Variants in FAM83A observed in about 807,000 individuals in gnomAD.
The protein encoded by FAM83A is protein FAM83A.
FAM83A carries 21 observed loss-of-function variants against 24.4 expected under a neutral mutation model. The ratio of observed to expected loss-of-function variants is 0.86; its 90% confidence interval spans 0.61 to 1.24. The LOEUF is 1.24. Ranked by LOEUF, FAM83A falls within the 50% of genes most tolerant of loss-of-function variation. The pLI is 0.00. For synonymous variants in FAM83A, 270 were observed against 252.4 expected, an observed-to-expected ratio of 1.07 and a Z score of -0.66; for missense variants, 617 against 579.8, an observed-to-expected ratio of 1.06 and a Z score of -0.66.
At chr8:123,184,356 C>T (rs183679097) in intron 1 of FAM83A, among the ~76,000 whole-genome samples, 2 of 152,238 alleles carry the variant, frequency 1.3e-5, no homozygotes, top group East Asian at 3.9e-4. Context: ...CCCTTCTCCT[C>T]TCAGACTCTG....
chr8:123,200,292 G>A (rs183803729), intron 3 of FAM83A, among the ~76,000 whole-genome samples: 9 of 152,298 alleles, frequency 5.9e-5, no homozygotes, highest in African/African-American at 9.6e-5. Context: ...CCAGAACACC[G>A]GAGGATGGAG....
At chr8:123,193,538 C>T (rs553535908) in intron 2 of FAM83A, among the ~76,000 whole-genome samples, 8 of 152,286 alleles carry the variant, frequency 5.3e-5, no homozygotes, top group Admixed American at 5.2e-4. Flanking sequence ...TCCAGAATCC[C>T]ACCAACCAGA....
At chr8:123,206,273 C>T (rs931638905) in intron 3 of FAM83A, among the ~76,000 whole-genome samples, 1 of 152,212 alleles carries the variant, frequency 6.6e-6, no homozygotes, top group African/African-American at 2.4e-5. Context: ...GCCCCGACAG[C>T]CTCGGCCCCG....
intron 3 of FAM83A, among the ~76,000 whole-genome samples, chr8:123,205,163 G>A (rs1824499095): frequency 6.6e-6 from 1 of 152,236 alleles, no homozygotes; most frequent in South Asian, 2.1e-4. Flanking sequence ...TGAGATGCGC[G>A]GGTGTGCAGG....
Position 123,209,675 on chromosome 8 carries a change from G to A in FAM83A, c.*1987G>A, listed in dbSNP as rs750428582. ...TTTCCAAAGGCCTCAGCCTGTGCCT[G>A]TGTCGAGCTCAGTCCTGGGAGATAG... On this transcript the variant is annotated 3_prime_UTR_variant, in exon 4 of 4. Coordinates refer to ENST00000690554, the Ensembl canonical transcript of FAM83A. This position sits in a 1 kb window ranked among gnomAD's most constrained non-coding sequence, Gnocchi z 4.7. The A allele has an allele frequency of 4.7e-6, 5 of 1,068,342 alleles. No individual in the cohort carries two copies. Among genetic ancestry groups the A allele is most frequent in the African/African-American group, 1.6e-5 (1 of 63,384 alleles). 66.2% of individuals were successfully genotyped at this position (1,068,342 alleles called of 1,614,324 possible).
At chr8:123,207,651 C>A (rs1319594546) in exon 4 of FAM83A, 1 of 1,537,736 alleles carries the variant, frequency 6.5e-7, no homozygotes, top group Admixed American at 2.0e-5. Flanking sequence ...CTGACTCCAA[C>A]CTGGAGGCCC....
rs1823949796 is a variant in FAM83A, at chr8:123,190,815, CTTCA to C, written c.481-985_481-982del. Among the ~76,000 whole-genome samples the C allele has an allele frequency of 3.9e-5, 6 of 152,262 alleles. No individual in the cohort carries two copies. The Middle Eastern group carries it at 0.014, about 345-fold the overall frequency. Reference sequence around the variant, plus strand: ...TCCTGGCTGCTTTCTCCAGGGATGGCTTCATTGTCAGGCAGGCTCTCCCCAAGAG... The same window carrying C: ...TCCTGGCTGCTTTCTCCAGGGATGGCTTGTCAGGCAGGCTCTCCCCAAGAG... On this transcript the variant is annotated intron_variant, in intron 1 of 3. Transcript: ENST00000690554.
upstream of FAM83A, chr8:123,179,675 T>C (rs759060866): frequency 2.6e-5 from 4 of 152,148 alleles, no homozygotes; most frequent in South Asian, 2.1e-4. Context: ...AATCTCTGGG[T>C]CTGTGTGAAG....
exon 4 of FAM83A, chr8:123,208,334 C>G (rs1293465417): frequency 1.0e-6 from 1 of 985,488 alleles, no homozygotes; most frequent in Non-Finnish European, 1.2e-6. Flanking sequence ...ATGCAGCTAG[C>G]TGAGGAGTTT....
At chr8:123,193,706 C>G (rs1248734016) in intron 2 of FAM83A, among the ~76,000 whole-genome samples, 1 of 152,168 alleles carries the variant, frequency 6.6e-6, no homozygotes, top group African/African-American at 2.4e-5. Flanking sequence ...ACTCCAAGAT[C>G]AACGTTCTGG....
chr8:123,191,878 G>C, exon 2 of FAM83A: 4 of 1,614,170 alleles, frequency 2.5e-6, no homozygotes, highest in Non-Finnish European at 3.4e-6. Flanking sequence ...CAACAAGCGT[G>C]GGGTGTTCGT....
intron 3 of FAM83A, among the ~76,000 whole-genome samples, chr8:123,198,825 C>A (rs62521850): frequency 0.17 from 26,267 of 152,032 alleles, 2,524 homozygotes; most frequent in Admixed American, 0.24. Flanking sequence ...GCAGCCTCAG[C>A]CTCCTGGTTC....
Position 123,209,967 on chromosome 8 carries a change from C to T in FAM83A, c.*2279C>T, listed in dbSNP as rs1057254977. 1 of 193,684 alleles carries T rather than the reference C, an allele frequency of 5.2e-6. No individual in the cohort carries two copies. Among genetic ancestry groups the T allele is most frequent in the Non-Finnish European group, 1.1e-5 (1 of 92,322 alleles). The allele number at this position is 193,684 out of a possible 1,614,324, so 12.0% of individuals were successfully genotyped here. ...ATAGAAGCAGCTCTCCAGTTGAAAC[C>T]CTCCTCTGCCAGCCTGGGGTCCTAA... On this transcript the variant is annotated 3_prime_UTR_variant, in exon 4 of 4. Coordinates refer to ENST00000690554, the Ensembl canonical transcript of FAM83A. This position sits in a 1 kb window ranked among gnomAD's most constrained non-coding sequence, Gnocchi z 4.7.
chr8:123,188,083 C>T (rs1355745578), intron 1 of FAM83A, among the ~76,000 whole-genome samples: 2 of 151,790 alleles, frequency 1.3e-5, no homozygotes, highest in African/African-American at 4.8e-5. Flanking sequence ...CCATGTTGGC[C>T]AGGCTGGTCT....
upstream of FAM83A, chr8:123,181,764 C>T (rs574424991): frequency 2.1e-4 from 65 of 308,604 alleles, no homozygotes; most frequent in East Asian, 4.3e-3. Flanking sequence ...GCCTGCTCCT[C>T]AACTTCACCT....
chr8:123,200,968 A>AAAATAT (rs1554630479), intron 3 of FAM83A, among the ~76,000 whole-genome samples: 1 of 138,982 alleles, frequency 7.2e-6, no homozygotes, highest in African/African-American at 2.7e-5. Context: ...AAAAAAAAAA[A>AAAATAT]ATATATATAT....
chr8:123,209,744 C>T lies in FAM83A; in HGVS notation c.*2056C>T. On this transcript the variant is annotated 3_prime_UTR_variant, in exon 4 of 4. Transcript: ENST00000690554. This position sits in a 1 kb window ranked among gnomAD's most constrained non-coding sequence, Gnocchi z 4.7. ...GAACAAGCCCCCCTACTCCTGACCACCCTCCATCAGCAGTCTCCCCTCCGT... is the reference window on the plus strand; with the variant it reads ...GAACAAGCCCCCCTACTCCTGACCATCCTCCATCAGCAGTCTCCCCTCCGT... 2 of 606,690 alleles carry T rather than the reference C, an allele frequency of 3.3e-6. No homozygotes were observed. The highest frequency in any genetic ancestry group is 4.2e-5 in the South Asian group (2 of 47,392). 37.6% of individuals were successfully genotyped at this position (606,690 alleles called of 1,614,324 possible). A position where few individuals can be genotyped will look rare whatever the true frequency, so the allele number is the denominator to read the frequency against.
chr8:123,195,756 A>G (rs1434634513), intron 3 of FAM83A, among the ~76,000 whole-genome samples: 1 of 152,164 alleles, frequency 6.6e-6, no homozygotes, highest in Non-Finnish European at 1.5e-5. Context: ...ATGGTAAAAA[A>G]AAAAGGTGAG....
At chr8:123,190,756 G>A (rs1294100483) in intron 1 of FAM83A, among the ~76,000 whole-genome samples, 1 of 152,186 alleles carries the variant, frequency 6.6e-6, no homozygotes, top group Non-Finnish European at 1.5e-5. Flanking sequence ...GGAACCAGGT[G>A]TCCAAATGAC....
Sources: allele counts gnomAD v4.1 joint callset (sites outside exome capture counted in the v4.1 genomes callset), GRCh38; gene constraint gnomAD v4.1.1; non-coding constraint Gnocchi (gnomAD v3.1); transcripts MANE v1.5; gene names NCBI Gene and HGNC (gene_info 2026-07-23, HGNC 2026-07-21).